The following COX10 variants were observed in gnomAD, a reference collection of about 807,000 sequenced individuals.
COX10 encodes cytochrome c oxidase assembly factor heme A:farnesyltransferase COX10.
In COX10, 27 loss-of-function variants were observed where a neutral mutation model predicts 37.3. The observed-to-expected ratio is 0.72, with a 90% confidence interval of 0.53 to 1.00. The LOEUF is 1.00. COX10 is among the 50% of genes least tolerant of loss of function. COX10 has a pLI of 0.00. For synonymous variants in COX10, 222 were observed against 229.1 expected (o/e 0.97, Z 0.28); for missense variants, 475 against 563.2 (o/e 0.84, Z 1.59).
chr17:14,091,459 T>C (rs144562006), intron 3 of COX10, among the ~76,000 whole-genome samples: 169 of 152,352 alleles, frequency 1.1e-3, no homozygotes, highest in African/African-American at 3.0e-3. Context: ...TAGAAAGCTC[T>C]TTTGAATGCT....
At chr17:14,086,812 C>CT (rs35406677) in intron 3 of COX10, among the ~76,000 whole-genome samples, 1 of 152,122 alleles carries the variant, frequency 6.6e-6, no homozygotes. Flanking sequence ...AATCTACCTT[C>CT]TTTTTTTAGA....
intron 4 of COX10, 94 bp downstream of exon 4, chr17:14,102,336 T>C: frequency 3.2e-6 from 5 of 1,551,828 alleles, no homozygotes; most frequent in Non-Finnish European, 4.4e-6. Context: ...AACTCATATA[T>C]TGATGGAGAA....
intron 4 of COX10, among the ~76,000 whole-genome samples, chr17:14,105,167 T>A (rs1915863590): frequency 6.6e-6 from 1 of 152,206 alleles, no homozygotes; most frequent in Non-Finnish European, 1.5e-5. Flanking sequence ...TTTACCTAGA[T>A]TACATATACG....
rs1207909865 is a variant in COX10, at chr17:14,207,399, T to TG, written c.*187dup. On this transcript the variant is annotated 3_prime_UTR_variant, in exon 7 of 7. Transcript: ENST00000261643. ...CCCAAAATGCTCCCCAAATAAGAAA[T>TG]GCATCAGCTCAGTCAGTGAATACAA... 5.4e-6 allele frequency: 4 copies of TG among 746,820 alleles called. No individual in the cohort carries two copies. Among genetic ancestry groups the TG allele is most frequent in the Non-Finnish European group, 8.3e-6 (4 of 481,780 alleles). 46.3% of individuals were successfully genotyped at this position (746,820 alleles called of 1,614,324 possible). A position where few individuals can be genotyped will look rare whatever the true frequency, so the allele number is the denominator to read the frequency against.
intron 3 of COX10, among the ~76,000 whole-genome samples, chr17:14,101,493 G>C (rs1915780344): frequency 6.6e-6 from 1 of 152,168 alleles, no homozygotes; most frequent in African/African-American, 2.4e-5. Flanking sequence ...AAGCGCCAGG[G>C]CCTACCGAAA....
At chr17:14,083,193 C>T (rs181306636) in intron 3 of COX10, among the ~76,000 whole-genome samples, 1 of 152,294 alleles carries the variant, frequency 6.6e-6, no homozygotes, top group East Asian at 1.9e-4. Context: ...ATTCCACGCC[C>T]CAGGTTTCTG....
intron 4 of COX10, 146 bp downstream of exon 4, chr17:14,102,388 C>G (rs939800046): frequency 1.5e-4 from 184 of 1,249,778 alleles, no homozygotes; most frequent in Middle Eastern, 1.1e-3. Context: ...CTGTGGGTTT[C>G]ATAACCAATT....
intron 5 of COX10, among the ~76,000 whole-genome samples, chr17:14,166,562 G>A (rs1905288183): frequency 6.6e-6 from 1 of 150,808 alleles, no homozygotes; most frequent in South Asian, 2.1e-4. Context: ...TTTCATGCCT[G>A]CCAACACAAC....
At chr17:14,183,824 AATT>A (rs1230764852) in intron 5 of COX10, among the ~76,000 whole-genome samples, 1 of 152,094 alleles carries the variant, frequency 6.6e-6, no homozygotes, top group Non-Finnish European at 1.5e-5. Flanking sequence ...CTGATTTTAC[AATT>A]GGAGAGTTCA....
intron 3 of COX10, among the ~76,000 whole-genome samples, chr17:14,096,364 G>GTTTTTTTT (rs56369104): frequency 7.0e-5 from 9 of 128,704 alleles, no homozygotes; most frequent in African/African-American, 2.3e-4. Flanking sequence ...ATGTAGGTGT[G>GTTTTTTTT]TTTTTTTTTT....
chr17:14,114,882 C>T (rs973321431), intron 4 of COX10, among the ~76,000 whole-genome samples: 2 of 152,024 alleles, frequency 1.3e-5, no homozygotes, highest in Admixed American at 6.6e-5. Flanking sequence ...TTAGATAGGG[C>T]TTAATTTAAT....
intron 4 of COX10, among the ~76,000 whole-genome samples, chr17:14,146,514 T>C (rs565003078): frequency 3.9e-5 from 6 of 152,282 alleles, no homozygotes; most frequent in Non-Finnish European, 5.9e-5. Context: ...GATTAAAGAC[T>C]TAAATCTAAG....
At chr17:14,148,848 TTAA>T (rs1366525525) in intron 4 of COX10, among the ~76,000 whole-genome samples, 1 of 151,300 alleles carries the variant, frequency 6.6e-6, no homozygotes, top group African/African-American at 2.4e-5. Flanking sequence ...GTTAGGAAGA[TTAA>T]TAAGTGTATT....
rs540614447 is a variant in COX10, at chr17:14,091,555, A to C, written c.500-10563A>C. On this transcript the variant is annotated intron_variant, in intron 3 of 6. Coordinates refer to ENST00000261643, the MANE Select transcript of COX10 (RefSeq NM_001303.4). ...AAGGAAAAGAAAACAATGATACATT[A>C]ATATATATGTATGCAGTTAGGTCCA... Among the ~76,000 whole-genome samples the C allele has an allele frequency of 1.7e-4, 26 of 152,328 alleles. No homozygotes were observed. The South Asian group carries it at 5.0e-3, about 29-fold the overall frequency.
In COX10 at chr17:14,207,381, T is replaced by C; in HGVS notation, c.*168T>C. On this transcript the variant is annotated 3_prime_UTR_variant, in exon 7 of 7. Coordinates refer to ENST00000261643, the MANE Select transcript of COX10 (RefSeq NM_001303.4). The stretch of plus-strand genomic sequence containing the variant: ...TTTTTTTTTTAAATATTACCCAAAA[T>C]GCTCCCCAAATAAGAAATGCATCAG... The C allele has an allele frequency of 1.1e-6, 1 of 871,402 alleles. No individual in the cohort carries two copies. Among genetic ancestry groups the C allele is most frequent in the East Asian group, 2.7e-5 (1 of 36,930 alleles). 54.0% of individuals were successfully genotyped at this position (871,402 alleles called of 1,614,324 possible).
chr17:14,167,024 G>T (rs1159577548), intron 5 of COX10, among the ~76,000 whole-genome samples: 1 of 152,032 alleles, frequency 6.6e-6, no homozygotes, highest in South Asian at 2.1e-4. Flanking sequence ...GTCTGGAAAG[G>T]ATTCACCATT....
At chr17:14,185,336 A>G (rs1315985770) in intron 5 of COX10, among the ~76,000 whole-genome samples, 1 of 146,744 alleles carries the variant, frequency 6.8e-6, no homozygotes, top group Non-Finnish European at 1.5e-5. Flanking sequence ...GAAAGAGTAT[A>G]TAGACTAATT....
At chr17:14,095,800 G>A (rs1377082136) in intron 3 of COX10, among the ~76,000 whole-genome samples, 3 of 152,106 alleles carry the variant, frequency 2.0e-5, no homozygotes, top group Non-Finnish European at 4.4e-5. Context: ...CTAGCTGCCA[G>A]CATGGCTTGC....
intron 3 of COX10, among the ~76,000 whole-genome samples, chr17:14,083,126 TACACA>T (rs1915334136): frequency 2.0e-5 from 3 of 152,188 alleles, no homozygotes; most frequent in African/African-American, 7.2e-5. Context: ...CAGCCTCACC[TACACA>T]CACAGATGGA....
Sources: allele counts gnomAD v4.1 joint callset (sites outside exome capture counted in the v4.1 genomes callset), GRCh38; gene constraint gnomAD v4.1.1; transcripts MANE v1.5; gene names NCBI Gene and HGNC (gene_info 2026-07-23, HGNC 2026-07-21).